GNPDA2: variants seen among roughly 807,000 people sequenced by gnomAD.
The protein encoded by GNPDA2 is glcN6P deaminase 2.
In GNPDA2, 24 loss-of-function variants were observed where a neutral mutation model predicts 27.0. That is an observed-to-expected ratio of 0.89 (90% CI 0.64 to 1.25). GNPDA2 has a LOEUF of 1.25. Ranked by LOEUF, GNPDA2 falls within the 50% of genes most tolerant of loss-of-function variation. The pLI is 0.00. For missense variants in GNPDA2, 286 were observed against 335.1 expected (o/e 0.85, Z 1.14); for synonymous variants, 94 against 108.4 (o/e 0.87, Z 0.83).
At chr4:44,705,818 G>C (rs1716566605) in intron 6 of GNPDA2, 1 of 151,410 alleles carries the variant, frequency 6.6e-6, no homozygotes, top group East Asian at 1.9e-4. Flanking sequence ...TAACGTCTCT[G>C]TCTGTTAAGC....
At chr4:44,725,345 C>G (rs1162521178) in intron 1 of GNPDA2, among the ~76,000 whole-genome samples, 1 of 152,194 alleles carries the variant, frequency 6.6e-6, no homozygotes, top group Non-Finnish European at 1.5e-5. Flanking sequence ...CTCAAAGAGA[C>G]ATTAGCCAAA....
At chr4:44,723,675 T>C (rs1717824812) in intron 1 of GNPDA2, among the ~76,000 whole-genome samples, 1 of 152,140 alleles carries the variant, frequency 6.6e-6, no homozygotes, top group Non-Finnish European at 1.5e-5. Context: ...CTGTTGTTAT[T>C]GGAAGGAAGG....
At chr4:44,707,235 T>C (rs1716659524) in intron 6 of GNPDA2, 1 of 153,066 alleles carries the variant, frequency 6.5e-6, no homozygotes, top group Non-Finnish European at 1.5e-5. Flanking sequence ...CCTGCTTACT[T>C]GCAGAGTTTA....
Position 44,717,110 on chromosome 4 carries a change from T to C in GNPDA2, c.409+3A>G. On this transcript the variant is annotated splice_donor_region_variant and intron_variant, in intron 4 of 6. Coordinates refer to ENST00000295448, the MANE Select transcript of GNPDA2 (RefSeq NM_138335.3). Reference sequence around the variant, plus strand: ...CAGTTAATGACAAAAGGTTTTTACATACCTCCAACAAAAAGATCTATTCCT... The same window carrying C: ...CAGTTAATGACAAAAGGTTTTTACACACCTCCAACAAAAAGATCTATTCCT... 2 of 1,593,286 alleles carry C rather than the reference T, an allele frequency of 1.3e-6. No homozygotes were observed. Among genetic ancestry groups the C allele is most frequent in the Non-Finnish European group, 1.7e-6 (2 of 1,168,124 alleles).
At chr4:44,719,101 CAAAAT>C in intron 2 of GNPDA2, among the ~76,000 whole-genome samples, 1 of 151,998 alleles carries the variant, frequency 6.6e-6, no homozygotes, top group South Asian at 2.1e-4. Context: ...CATGATATGA[CAAAAT>C]AAAAATAAAT....
In GNPDA2 at chr4:44,702,697, T is replaced by C. The variant is rs898628629; in HGVS notation, c.*384A>G. On this transcript the variant is annotated 3_prime_UTR_variant, in exon 7 of 7. Coordinates refer to ENST00000295448, the MANE Select transcript of GNPDA2 (RefSeq NM_138335.3). The stretch of plus-strand genomic sequence containing the variant: ...GAAGGTCTGCAATGATAGTTTGTTA[T>C]CTGAAAGGTTTGGAGTGTCTTGTCA... The C allele has an allele frequency of 1.9e-6, 2 of 1,037,268 alleles. No homozygotes were observed. The highest frequency in any genetic ancestry group is 3.5e-5 in the African/African-American group (2 of 57,738). The allele number at this position is 1,037,268 out of a possible 1,614,324, so 64.3% of individuals were successfully genotyped here.
chr4:44,704,150 T>G (rs1252576799), intron 6 of GNPDA2: 2 of 984,888 alleles, frequency 2.0e-6, no homozygotes, highest in Non-Finnish European at 2.4e-6. Context: ...GTTTGTGTAG[T>G]AGGAGAAATT....
At chr4:44,725,612 C>T (rs2109730411) in intron 1 of GNPDA2, among the ~76,000 whole-genome samples, 1 of 151,654 alleles carries the variant, frequency 6.6e-6, no homozygotes, top group South Asian at 2.1e-4. Flanking sequence ...CTCTGGAGGG[C>T]GCAGAGTCAC....
chr4:44,722,942 T>C (rs1717772573), intron 1 of GNPDA2, among the ~76,000 whole-genome samples: 3 of 152,092 alleles, frequency 2.0e-5, no homozygotes, highest in Admixed American at 6.5e-5. Context: ...ATTATAACAA[T>C]AGGATCACAC....
intron 6 of GNPDA2, chr4:44,705,437 A>T: frequency 1.0e-6 from 1 of 985,148 alleles, no homozygotes; most frequent in Non-Finnish European, 1.2e-6. Flanking sequence ...GACAGCTCCA[A>T]AGTGGAAAAT....
chr4:44,702,331 T>C lies in GNPDA2; in HGVS notation c.*750A>G. ...TAAGTTTAACAATAATCAGAAAATA[T>C]TCTCCAAAAGAATTTCCTGAAGTGG... On this transcript the variant is annotated 3_prime_UTR_variant, in exon 7 of 7. Coordinates refer to ENST00000295448, the MANE Select transcript of GNPDA2 (RefSeq NM_138335.3). 1 of 754,506 alleles carries C rather than the reference T, an allele frequency of 1.3e-6. No homozygotes were observed. The highest frequency in any genetic ancestry group is 1.6e-6 in the Non-Finnish European group (1 of 619,122). 46.7% of individuals were successfully genotyped at this position (754,506 alleles called of 1,614,324 possible).
In GNPDA2 at chr4:44,702,154, C is replaced by CT. The variant is rs1187756462; in HGVS notation, c.*926dup. The CT allele has an allele frequency of 3.3e-6, 3 of 916,980 alleles. No homozygotes were observed. In the African/African-American group the frequency reaches 5.4e-5, roughly 16 times the overall value. 56.8% of individuals were successfully genotyped at this position (916,980 alleles called of 1,614,324 possible). ...GGTTCACTTCTGGAAATTTAGATAA[C>CT]TTATTTATTACACGCTTTATTTGAG... is the stretch of plus-strand genomic sequence containing the variant. On this transcript the variant is annotated 3_prime_UTR_variant, in exon 7 of 7. Transcript: ENST00000295448.
intron 4 of GNPDA2, chr4:44,714,256 T>C (rs1301288554): frequency 1.0e-6 from 1 of 977,530 alleles, no homozygotes; most frequent in African/African-American, 1.8e-5. Context: ...ATTATAGGTG[T>C]GAGCCACCGG....
At chr4:44,714,760 T>C (rs1717175992) in intron 4 of GNPDA2, 5 of 640,156 alleles carry the variant, frequency 7.8e-6, no homozygotes, top group Non-Finnish European at 9.7e-6. Context: ...CTTTCATGAA[T>C]ACATATCCAA....
chr4:44,713,854 T>C (rs1282303624), intron 4 of GNPDA2, among the ~76,000 whole-genome samples: 2 of 152,152 alleles, frequency 1.3e-5, no homozygotes, highest in Non-Finnish European at 2.9e-5. Flanking sequence ...TACTCCAGCC[T>C]GGGCAACAGA....
chr4:44,705,620 A>T (rs1159358916), intron 6 of GNPDA2: 3 of 254,152 alleles, frequency 1.2e-5, no homozygotes, highest in Non-Finnish European at 1.9e-5. Flanking sequence ...GGAAGCAGTG[A>T]TTATCATATG....
rs866664367 is a variant in GNPDA2, at chr4:44,717,162, A to G, written c.360T>C (p.Ala120=). 3.1e-6 allele frequency: 5 copies of G among 1,610,242 alleles called. No individual in the cohort carries two copies. In the Middle Eastern group the frequency reaches 6.6e-4, roughly 213 times the overall value. The change falls in exon 4 of 7, where the codon GCT becomes GCC. Residue 120 remains alanine (A), a synonymous_variant. Transcript: ENST00000295448. Reference sequence around the variant, plus strand: ...CAGCTTCTTTTATTTTGTTTTCAAAAGCATCACATTCTGCTTGTAAATCTG... The same window carrying G: ...CAGCTTCTTTTATTTTGTTTTCAAAGGCATCACATTCTGCTTGTAAATCTG... ...NAADLQAECD[A]FENKIKEAGG... is the part of the protein sequence containing the mutation.
chr4:44,704,836 T>G (rs1716489125), intron 6 of GNPDA2: 1 of 983,420 alleles, frequency 1.0e-6, no homozygotes, highest in Admixed American at 6.2e-5. Context: ...ACTACTGAGG[T>G]GGAGCCTAAA....
chr4:44,721,979 T>G (rs1486858697), intron 2 of GNPDA2, 105 bp downstream of exon 2: 4 of 829,992 alleles, frequency 4.8e-6, no homozygotes, highest in African/African-American at 3.4e-5. Context: ...ATTAGTGACA[T>G]GCCAATAAAT....
Sources: allele counts gnomAD v4.1 joint callset (sites outside exome capture counted in the v4.1 genomes callset), GRCh38; gene constraint gnomAD v4.1.1; transcripts MANE v1.5; gene names NCBI Gene and HGNC (gene_info 2026-07-23, HGNC 2026-07-21).